MAST4: variants seen among roughly 807,000 people sequenced by gnomAD.
The protein encoded by MAST4 is microtubule associated serine/threonine kinase family member 4, also known as microtubule-associated serine/threonine-protein kinase 4.
MAST4 carries 89 observed loss-of-function variants against 162.7 expected under a neutral mutation model. The ratio of observed to expected loss-of-function variants is 0.55; its 90% CI spans 0.46 to 0.65. The LOEUF is 0.65. Ranked by LOEUF, MAST4 falls within the 30% of genes least tolerant of loss-of-function variation. The pLI is 0.00. For missense variants in MAST4, 3,153 were observed against 3,374.0 expected, an observed-to-expected ratio of 0.93 and a Z score of 1.62; for synonymous variants, 1,479 against 1,361.1, an observed-to-expected ratio of 1.09 and a Z score of -1.91.
At chr5:66,763,271 G>A (rs1178042125) in intron 2 of MAST4, among the ~76,000 whole-genome samples, 2 of 152,128 alleles carry the variant, frequency 1.3e-5, no homozygotes, top group Non-Finnish European at 2.9e-5. Flanking sequence ...ATCTTAGGTG[G>A]GAAAATTGTT....
rs148166388 is a variant in MAST4 at position 66,883,717 on chromosome 5, G to T, written c.643-16234G>T. Among the ~76,000 whole-genome samples, 127 of 152,180 alleles carry T rather than the reference G, an allele frequency of 8.3e-4. 2 individuals are homozygous for T. The East Asian group carries it at 0.019, about 22-fold the overall frequency. On this transcript the variant is annotated intron_variant, in intron 3 of 28. Coordinates refer to ENST00000403625, the MANE Select transcript of MAST4 (RefSeq NM_001164664.2). The stretch of plus-strand genomic sequence containing the variant: ...GCTGGGATTACAGGCATGAGCCACC[G>T]CGCCCGGCTTTTATAAACACATGGA...
intron 4 of MAST4, among the ~76,000 whole-genome samples, chr5:67,007,126 A>G (rs1220268741): frequency 6.6e-6 from 1 of 152,164 alleles, no homozygotes; most frequent in Non-Finnish European, 1.5e-5. Flanking sequence ...AGGGCAATGT[A>G]TGTGGCTATT....
chr5:66,871,790 A>G (rs1351666864), intron 3 of MAST4, among the ~76,000 whole-genome samples: 1 of 152,152 alleles, frequency 6.6e-6, no homozygotes, highest in Non-Finnish European at 1.5e-5. Flanking sequence ...GGGAATGGGA[A>G]TCCTCTGACC....
intron 4 of MAST4, among the ~76,000 whole-genome samples, chr5:66,990,428 G>T (rs1581124479): frequency 6.6e-6 from 1 of 152,142 alleles, no homozygotes; most frequent in Admixed American, 6.5e-5. Flanking sequence ...TTGAGCCCAG[G>T]AGGTCAAGAC....
rs1328179254 is a variant in MAST4, at chr5:67,163,509, G to A, written c.4330G>A (p.Val1444Met). The A allele has an allele frequency of 1.9e-6, 3 of 1,611,298 alleles. No individual in the cohort carries two copies. Among genetic ancestry groups the A allele is most frequent in the East Asian group, 2.2e-5 (1 of 44,770 alleles). ...CCCCAGGTCCCCGCTGCTCAAGCGC[G>A]TGCAGTCCGAGGAGAAGCTGTCGCC... ...EPPRSPLLKR[V>M]QSEEKLSPSY... The change falls in exon 29 of 29, where the codon GTG becomes ATG. Residue 1444 changes from valine to methionine, a missense_variant. By Grantham distance (21) the Val-to-Met change is conservative (BLOSUM62 1). Around this residue, in one of 7 missense-constraint regions of MAST4, gnomAD observed 619 missense variants for 744.2 expected, o/e 0.83. Coordinates refer to ENST00000403625, the MANE Select transcript of MAST4 (RefSeq NM_001164664.2). This position sits in a 1 kb window ranked among gnomAD's most constrained non-coding sequence, Gnocchi z 7.0.
chr5:66,843,139 T>C (rs1279250978), intron 3 of MAST4, among the ~76,000 whole-genome samples: 1 of 152,188 alleles, frequency 6.6e-6, no homozygotes, highest in Admixed American at 6.6e-5. Flanking sequence ...TTTTATATTG[T>C]TGTGCCTCAG....
At chr5:66,628,991 C>T (rs986675586) in intron 1 of MAST4, among the ~76,000 whole-genome samples, 1 of 152,128 alleles carries the variant, frequency 6.6e-6, no homozygotes, top group East Asian at 1.9e-4. Context: ...AGCATGATTA[C>T]ATTAGGGACC....
At chr5:66,636,108 C>T (rs994321909) in intron 1 of MAST4, among the ~76,000 whole-genome samples, 16 of 152,048 alleles carry the variant, frequency 1.1e-4, no homozygotes, top group African/African-American at 3.9e-4. Context: ...AAGACGTATG[C>T]CACCACGCCC....
rs757101434 is a variant in MAST4, at chr5:67,131,961, CAAATG to C, written c.2093+15_2093+19del. ...ATTTGAAACCAGACAAGTATGTACA[CAAATG>C]AAATATATGTCTTCTTTTGCCCAAT... is the stretch of plus-strand genomic sequence containing the variant. On this transcript the variant is annotated intron_variant, in intron 16 of 28. Coordinates refer to ENST00000403625, the MANE Select transcript of MAST4 (RefSeq NM_001164664.2). 18 of 1,609,084 alleles carry C rather than the reference CAAATG, an allele frequency of 1.1e-5. No individual in the cohort carries two copies. Among genetic ancestry groups the C allele is most frequent in the Non-Finnish European group, 1.5e-5 (18 of 1,177,294 alleles).
At chr5:66,843,483 C>G (rs930630728) in intron 3 of MAST4, among the ~76,000 whole-genome samples, 1 of 152,120 alleles carries the variant, frequency 6.6e-6, no homozygotes, top group Non-Finnish European at 1.5e-5. Flanking sequence ...TTAGCCAGAT[C>G]CAAGACTCCC....
intron 7 of MAST4, among the ~76,000 whole-genome samples, chr5:67,099,457 A>G (rs1764791047): frequency 6.6e-6 from 1 of 152,060 alleles, no homozygotes; most frequent in African/African-American, 2.4e-5. Context: ...GCTGCATTGC[A>G]ATGTTTCAGT....
chr5:66,895,338 T>C (rs1375542509), intron 3 of MAST4, among the ~76,000 whole-genome samples: 1 of 152,188 alleles, frequency 6.6e-6, no homozygotes, highest in Non-Finnish European at 1.5e-5. Flanking sequence ...CCTTTTTCTA[T>C]CACTTATCTC....
intron 19 of MAST4, among the ~76,000 whole-genome samples, chr5:67,139,796 C>T (rs1416947741): frequency 6.6e-6 from 1 of 152,118 alleles, no homozygotes; most frequent in African/African-American, 2.4e-5. Context: ...GGTCATTTTC[C>T]CCCAATTTGT....
chr5:66,982,188 T>A (rs1748941108), intron 4 of MAST4, among the ~76,000 whole-genome samples: 1 of 152,222 alleles, frequency 6.6e-6, no homozygotes, highest in Admixed American at 6.5e-5. Context: ...ATCTCAGCTT[T>A]CTGTAGGTGA....
At chr5:67,115,100 A>G (rs1766730126) in intron 12 of MAST4, 1 of 151,860 alleles carries the variant, frequency 6.6e-6, no homozygotes, top group Non-Finnish European at 1.5e-5. Context: ...AAATAATATT[A>G]TCAAATTAAA....
chr5:66,890,481 A>T (rs1762300103), intron 3 of MAST4, among the ~76,000 whole-genome samples: 1 of 152,206 alleles, frequency 6.6e-6, no homozygotes, highest in Non-Finnish European at 1.5e-5. Context: ...TTGTCCGTTT[A>T]CTTGAGGTTA....
intron 1 of MAST4, among the ~76,000 whole-genome samples, chr5:66,743,046 G>C (rs1317258570): frequency 2.6e-5 from 4 of 152,130 alleles, no homozygotes; most frequent in African/African-American, 9.7e-5. Context: ...TCCTGGCCTG[G>C]AAGCTTCCAC....
chr5:66,944,135 GAA>G (rs1743693458), intron 4 of MAST4, among the ~76,000 whole-genome samples: 1 of 152,080 alleles, frequency 6.6e-6, no homozygotes, highest in South Asian at 2.1e-4. Flanking sequence ...ATTTCCTTCT[GAA>G]TATCTTTGGT....
Position 66,963,853 on chromosome 5 carries a change from G to A in MAST4, c.674+63871G>A, listed in dbSNP as rs981879643. 2.4e-5 allele frequency: 19 copies of A among 775,656 alleles called. No homozygotes were observed. The East Asian group carries it at 3.6e-4, about 15-fold the overall frequency. The allele number at this position is 775,656 out of a possible 1,614,324, so 48.0% of individuals were successfully genotyped here. A position where few individuals can be genotyped will look rare whatever the true frequency, so the allele number is the denominator to read the frequency against. ...TCTGTTGCCCCATTTCCCACCACCA[G>A]CATTTGATTACTTCAGACTCTGCAA... On this transcript the variant is annotated intron_variant, in intron 4 of 28. Coordinates refer to ENST00000403625, the MANE Select transcript of MAST4 (RefSeq NM_001164664.2).
Sources: allele counts gnomAD v4.1 joint callset (sites outside exome capture counted in the v4.1 genomes callset), GRCh38; gene constraint gnomAD v4.1.1; regional missense constraint gnomAD v4.1.1; non-coding constraint Gnocchi (gnomAD v3.1); transcripts MANE v1.5; gene names NCBI Gene and HGNC (gene_info 2026-07-23, HGNC 2026-07-21).